Variants in NTS observed in about 807,000 individuals in gnomAD.
The protein encoded by NTS is neurotensin/neuromedin N.
NTS carries 20 observed loss-of-function variants against 19.5 expected under a neutral mutation model. That is an observed-to-expected ratio of 1.02 (90% confidence interval 0.72 to 1.49). The LOEUF (loss-of-function observed/expected upper bound fraction) is 1.49. Among genes scored for constraint, NTS ranks in the 40% most tolerant of loss-of-function variants. NTS has a pLI of 0.00. For missense variants in NTS, 215 were observed against 193.1 expected, an observed-to-expected ratio of 1.11 and a Z score of -0.67; for synonymous variants, 71 against 63.3, an observed-to-expected ratio of 1.12 and a Z score of -0.58.
intron 3 of NTS, among the ~76,000 whole-genome samples, chr12:85,879,981 C>T (rs1417512309): frequency 6.7e-6 from 1 of 149,036 alleles, no homozygotes; most frequent in African/African-American, 2.4e-5. Flanking sequence ...AAAGTAATGG[C>T]AAGAACCGTA....
intron 2 of NTS, among the ~76,000 whole-genome samples, chr12:85,877,017 G>T (rs1881361466): frequency 6.6e-6 from 1 of 151,890 alleles, no homozygotes; most frequent in Non-Finnish European, 1.5e-5. Context: ...AAGGTATATT[G>T]GTCTCAAGTT....
At position 85,882,276 on chromosome 12, in the gene NTS, A is replaced by T; in HGVS notation, c.414A>T (p.Glu138Asp). ...GAAATGACAAAAATGGAAAGGAAGA[A>T]GTCATAAAGAGAAAAATTCCTTATA... The part of the protein sequence containing the change: ...DTGNDKNGKE[E>D]VIKRKIPYIL... The change falls in exon 4 of 4, where the codon GAA becomes GAT. Residue 138 changes from glutamate to aspartate, a missense_variant. By Grantham distance (45) the Glu-to-Asp change is conservative (BLOSUM62 2). Coordinates refer to ENST00000256010, the MANE Select transcript of NTS (RefSeq NM_006183.5). The T allele has an allele frequency of 6.2e-7, 1 of 1,608,402 alleles. No homozygotes were observed. Among genetic ancestry groups the T allele is most frequent in the Non-Finnish European group, 8.5e-7 (1 of 1,176,942 alleles).
chr12:85,881,193 A>T (rs1024373189), intron 3 of NTS, among the ~76,000 whole-genome samples: 1 of 152,148 alleles, frequency 6.6e-6, no homozygotes, highest in Non-Finnish European at 1.5e-5. Context: ...AAAACTAAAG[A>T]TTAAGAAACT....
At chr12:85,875,060 C>T (rs112686703) in intron 1 of NTS, among the ~76,000 whole-genome samples, 1,770 of 152,138 alleles carry the variant, frequency 0.012, 30 homozygotes, top group African/African-American at 0.04. Context: ...TTTGCATAGT[C>T]TAATAAGTGT....
At position 85,877,401 on chromosome 12, in the gene NTS, C is replaced by CT. The variant is rs55824815; in HGVS notation, c.135+717dup. 1.4e-3 allele frequency among the ~76,000 whole-genome samples: 184 copies of CT among 135,752 alleles called. 1 individual carries two copies. Among genetic ancestry groups the CT allele is most frequent in the Admixed American group, 4.1e-3 (55 of 13,434 alleles). 89.1% of individuals were successfully genotyped at this position (135,752 alleles called of 152,430 possible). A position where few individuals can be genotyped will look rare whatever the true frequency, so the allele number is the denominator to read the frequency against. ...AACAAACATGTTATTTTTACATGTT[C>CT]TTTTTTTTTTTTTTTTTAATTGAGC... On this transcript the variant is annotated intron_variant, in intron 2 of 3. Transcript: ENST00000256010.
intron 1 of NTS, among the ~76,000 whole-genome samples, chr12:85,874,748 C>A (rs1335901855): frequency 6.6e-6 from 1 of 152,098 alleles, no homozygotes; most frequent in Non-Finnish European, 1.5e-5. Context: ...GGGAAAAAAA[C>A]CCTACAAAAC....
chr12:85,874,772 G>A (rs1351722919), intron 1 of NTS, among the ~76,000 whole-genome samples: 1 of 152,136 alleles, frequency 6.6e-6, no homozygotes, highest in East Asian at 1.9e-4. Context: ...CAATTAGGCT[G>A]ATCATTATCT....
Position 85,882,388 on chromosome 12 carries a change from T to A in NTS, c.*13T>A, listed in dbSNP as rs778063762. ...TTACTATTACTGAGAGAATAAATCATTTATTTACATGTGATTGTGATTCAT... is the reference window on the plus strand; with the variant it reads ...TTACTATTACTGAGAGAATAAATCAATTATTTACATGTGATTGTGATTCAT... On this transcript the variant is annotated 3_prime_UTR_variant, in exon 4 of 4. Coordinates refer to ENST00000256010, the MANE Select transcript of NTS (RefSeq NM_006183.5). The A allele has an allele frequency of 1.3e-5, 19 of 1,518,594 alleles. No individual in the cohort carries two copies. The highest frequency in any genetic ancestry group is 1.5e-5 in the Non-Finnish European group (17 of 1,128,942). 94.1% of individuals were successfully genotyped at this position (1,518,594 alleles called of 1,614,324 possible).
rs1312484551 is a variant in NTS, at chr12:85,876,710, T to A, written c.135+9T>A. ...ATATGCATACATCAAAGGTAACTTT[T>A]TCTTTTCTTTAACCCTGAGTTGAAG... On this transcript the variant is annotated intron_variant, in intron 2 of 3. Coordinates refer to ENST00000256010, the MANE Select transcript of NTS (RefSeq NM_006183.5). The A allele has an allele frequency of 8.0e-6, 12 of 1,507,746 alleles. No homozygotes were observed. The highest frequency in any genetic ancestry group is 2.3e-5 in the East Asian group (1 of 43,070). The allele number at this position is 1,507,746 out of a possible 1,614,324, so 93.4% of individuals were successfully genotyped here.
rs1474721275 is a variant in NTS at position 85,879,840 on chromosome 12, AT to A, written c.360+1276del. 3.6e-4 allele frequency among the ~76,000 whole-genome samples: 51 copies of A among 142,548 alleles called. No homozygotes were observed. The East Asian group carries it at 8.0e-3, about 22-fold the overall frequency. 93.5% of individuals were successfully genotyped at this position (142,548 alleles called of 152,430 possible). A position where few individuals can be genotyped will look rare whatever the true frequency, so the allele number is the denominator to read the frequency against. ...TGTATATTTTATGTATATAAAATAT[AT>A]TTTTATGTATATTTACATATATTTA... On this transcript the variant is annotated intron_variant, in intron 3 of 3. Transcript: ENST00000256010.
At chr12:85,880,608 T>A (rs1214662393) in intron 3 of NTS, among the ~76,000 whole-genome samples, 1 of 152,244 alleles carries the variant, frequency 6.6e-6, no homozygotes, top group Non-Finnish European at 1.5e-5. Context: ...GACCAGTTTT[T>A]AATTTACTAT....
rs1035109210 is a variant in NTS at position 85,878,369 on chromosome 12, T to C, written c.160T>C (p.Trp54Arg). ...SKISKAHVPS[W>R]KMTLLNVCSL... ...GATTAGTAAAGCACATGTTCCCTCT[T>C]GGAAGATGACTCTGCTAAATGTTTG... Residue 54 changes from tryptophan to arginine, a missense_variant, in exon 3 of 4, where the codon TGG (tryptophan) becomes CGG (arginine). Trp to Arg is a moderately radical substitution (Grantham distance 101, BLOSUM62 -3). Transcript: ENST00000256010. 16 of 1,608,044 alleles carry C rather than the reference T, an allele frequency of 9.9e-6. No homozygotes were observed. Among genetic ancestry groups the C allele is most frequent in the Non-Finnish European group, 1.4e-5 (16 of 1,176,432 alleles).
At chr12:85,877,550 G>T (rs561922333) in intron 2 of NTS, among the ~76,000 whole-genome samples, 1 of 152,052 alleles carries the variant, frequency 6.6e-6, no homozygotes, top group South Asian at 2.1e-4. Flanking sequence ...GTGCAGGTTT[G>T]TTAGATAGGC....
At chr12:85,874,711 G>A (rs568174284) in intron 1 of NTS, among the ~76,000 whole-genome samples, 1 of 152,038 alleles carries the variant, frequency 6.6e-6, no homozygotes, top group African/African-American at 2.4e-5. Context: ...AACACTGCAC[G>A]ACCTCCTTTG....
chr12:85,876,993 A>C (rs532715790), intron 2 of NTS, among the ~76,000 whole-genome samples: 1 of 152,088 alleles, frequency 6.6e-6, no homozygotes, highest in Non-Finnish European at 1.5e-5. Context: ...TGCCTTTTAC[A>C]TTGGGTATGA....
Position 85,882,430 on chromosome 12 carries a change from A to G in NTS, c.*55A>G, listed in dbSNP as rs1255892156. 4 of 1,278,232 alleles carry G rather than the reference A, an allele frequency of 3.1e-6. No homozygotes were observed. The highest frequency in any genetic ancestry group is 4.3e-6 in the Non-Finnish European group (4 of 928,648). 79.2% of individuals were successfully genotyped at this position (1,278,232 alleles called of 1,614,324 possible). ...GTGATTCATCATCCCTTAATTAAAT[A>G]TCAAATTATATTTGTGTGAAAATGT... On this transcript the variant is annotated 3_prime_UTR_variant, in exon 4 of 4. Transcript: ENST00000256010.
intron 3 of NTS, among the ~76,000 whole-genome samples, chr12:85,879,578 G>GTATATAAAA (rs1321308859): frequency 3.5e-5 from 2 of 57,328 alleles, no homozygotes; most frequent in South Asian, 3.9e-4. Context: ...TATATTTTTT[G>GTATATAAAA]TATATTTTAT....
intron 1 of NTS, among the ~76,000 whole-genome samples, chr12:85,876,113 A>G (rs1350567665): frequency 6.6e-6 from 1 of 151,940 alleles, no homozygotes; most frequent in Non-Finnish European, 1.5e-5. Flanking sequence ...GTACAATACA[A>G]TTCTTTCAAC....
intron 1 of NTS, among the ~76,000 whole-genome samples, chr12:85,874,926 T>C (rs2136588481): frequency 6.6e-6 from 1 of 152,342 alleles, no homozygotes; most frequent in South Asian, 2.1e-4. Context: ...CGTATTATTT[T>C]CTTGTTTGTG....
Sources: allele counts gnomAD v4.1 joint callset (sites outside exome capture counted in the v4.1 genomes callset), GRCh38; gene constraint gnomAD v4.1.1; transcripts MANE v1.5; gene names NCBI Gene and HGNC (gene_info 2026-07-23, HGNC 2026-07-21).